The following NAALADL2 variants were observed in gnomAD, a reference collection of about 807,000 sequenced individuals.
The protein encoded by NAALADL2 is inactive N-acetylated-alpha-linked acidic dipeptidase-like protein 2.
A neutral mutation model predicts 87.2 loss-of-function variants in NAALADL2; 76 were observed. The observed-to-expected ratio is 0.87, with a 90% CI of 0.72 to 1.05. The LOEUF (loss-of-function observed/expected upper bound fraction) is 1.05. Among genes scored for constraint, NAALADL2 ranks in the 50% least tolerant of loss-of-function variants. The pLI, the probability that NAALADL2 is intolerant of heterozygous loss-of-function variation, is 0.00. For missense variants in NAALADL2, 1,089 were observed against 945.8 expected, an observed-to-expected ratio of 1.15 and a Z score of -1.99; for synonymous variants, 354 against 331.0, an observed-to-expected ratio of 1.07 and a Z score of -0.75.
intron 13 of NAALADL2, among the ~76,000 whole-genome samples, chr3:175,787,455 G>A (rs1041272365): frequency 2.6e-5 from 4 of 152,174 alleles, no homozygotes; most frequent in Non-Finnish European, 1.5e-5. Context: ...ACAATATTCG[G>A]ATGGGAGTGA....
intron 4 of NAALADL2, among the ~76,000 whole-genome samples, chr3:175,295,800 G>A (rs1359193409): frequency 2.0e-5 from 3 of 150,776 alleles, no homozygotes; most frequent in Admixed American, 2.0e-4. Context: ...ATTTCCTAAA[G>A]CCCTAAAACA....
At chr3:174,670,167 A>G (rs1158322328) in intron 2 of NAALADL2, among the ~76,000 whole-genome samples, 1 of 151,898 alleles carries the variant, frequency 6.6e-6, no homozygotes. Flanking sequence ...TACGTATAAG[A>G]TCATATCATC....
intron 10 of NAALADL2, among the ~76,000 whole-genome samples, chr3:175,606,746 C>T (rs1180602872): frequency 6.6e-6 from 1 of 151,960 alleles, no homozygotes; most frequent in Non-Finnish European, 1.5e-5. Flanking sequence ...GTAAGGAAAA[C>T]CTAGCATACT....
chr3:174,625,153 G>A (rs1435643336), intron 2 of NAALADL2, among the ~76,000 whole-genome samples: 1 of 145,756 alleles, frequency 6.9e-6, no homozygotes, highest in Non-Finnish European at 1.5e-5. Context: ...CAGCCTCCTA[G>A]GCTCAAGTGA....
intron 11 of NAALADL2, among the ~76,000 whole-genome samples, chr3:175,667,185 A>AAGAG (rs1733163407): frequency 2.1e-5 from 1 of 47,958 alleles, no homozygotes; most frequent in Non-Finnish European, 3.9e-5. Flanking sequence ...AAGAAAGAGA[A>AAGAG]AGAAAGAAAG....
chr3:175,132,613 AC>A (rs1419177943), intron 2 of NAALADL2, among the ~76,000 whole-genome samples: 1 of 90,206 alleles, frequency 1.1e-5, no homozygotes, highest in Non-Finnish European at 2.2e-5. Context: ...CAGGGGGCTG[AC>A]CCCCCCACCT....
intron 2 of NAALADL2, among the ~76,000 whole-genome samples, chr3:175,190,958 A>G (rs1232675077): frequency 2.0e-5 from 3 of 149,578 alleles, no homozygotes; most frequent in Non-Finnish European, 3.0e-5. Flanking sequence ...AGCCTGGGCA[A>G]CAGACAGAGG....
rs576246523 is a variant in NAALADL2, at chr3:174,466,722, G to A, written c.-184+25690G>A. ...GAAATGATAGTTGTGCTCAAGGCCC[G>A]GGTGACTCCTGCCCCATATGAGGAC... On this transcript the variant is annotated intron_variant, in intron 1 of 3. Coordinates refer to the NAALADL2 transcript ENST00000434257. 1.3e-5 allele frequency among the ~76,000 whole-genome samples: 2 copies of A among 152,074 alleles called. 1 individual carries two copies. The highest frequency in any genetic ancestry group is 2.9e-5 in the Non-Finnish European group (2 of 68,024).
At chr3:175,053,598 G>C (rs1580209122) in intron 1 of NAALADL2, among the ~76,000 whole-genome samples, 1 of 152,194 alleles carries the variant, frequency 6.6e-6, no homozygotes, top group African/African-American at 2.4e-5. Context: ...AGAAACACAA[G>C]CATAACCTCT....
chr3:174,995,974 G>C (rs1393814717), intron 1 of NAALADL2, among the ~76,000 whole-genome samples: 1 of 152,114 alleles, frequency 6.6e-6, no homozygotes, highest in African/African-American at 2.4e-5. Flanking sequence ...AGGAGAGTCA[G>C]GAAATCAGGG....
intron 1 of NAALADL2, among the ~76,000 whole-genome samples, chr3:174,481,314 G>A (rs148542168): frequency 4.6e-5 from 7 of 152,176 alleles, no homozygotes; most frequent in African/African-American, 1.7e-4. Context: ...GTGAGAAAGA[G>A]TAACATGAGG....
rs563221671 is a variant in NAALADL2, at chr3:174,794,521, C to T, written c.-9+56775C>T. Among the ~76,000 whole-genome samples, 52 of 152,208 alleles carry T rather than the reference C, an allele frequency of 3.4e-4. 1 individual carries two copies. The highest frequency in any genetic ancestry group is 4.1e-4 in the South Asian group (2 of 4,822). On this transcript the variant is annotated intron_variant, in intron 3 of 3. Transcript: ENST00000434257. Reference sequence around the variant, plus strand: ...TTATTAAATTGCTGGAGGTTGATTACAGTTCTCCAGAGTTATTGGATATTT... The same window carrying T: ...TTATTAAATTGCTGGAGGTTGATTATAGTTCTCCAGAGTTATTGGATATTT...
chr3:175,204,983 A>G (rs1362232525), intron 2 of NAALADL2, among the ~76,000 whole-genome samples: 3 of 152,182 alleles, frequency 2.0e-5, no homozygotes, highest in Non-Finnish European at 2.9e-5. Context: ...AACACATCCC[A>G]TGCTCATAGA....
intron 3 of NAALADL2, among the ~76,000 whole-genome samples, chr3:174,831,735 T>C (rs978214314): frequency 1.3e-5 from 2 of 151,454 alleles, no homozygotes; most frequent in African/African-American, 4.8e-5. Flanking sequence ...ATCCATCTGG[T>C]CCTGTACTCT....
chr3:175,071,747 A>T (rs1052823623), intron 1 of NAALADL2, among the ~76,000 whole-genome samples: 1 of 152,060 alleles, frequency 6.6e-6, no homozygotes, highest in South Asian at 2.1e-4. Flanking sequence ...ATTGCAAAGC[A>T]TTTGAAGAAA....
chr3:175,067,827 A>G (rs944445052), intron 1 of NAALADL2, among the ~76,000 whole-genome samples: 1 of 152,146 alleles, frequency 6.6e-6, no homozygotes, highest in Non-Finnish European at 1.5e-5. Context: ...TAGCAAAGAC[A>G]TGGAATCCAC....
chr3:175,357,232 A>C (rs570062494), intron 5 of NAALADL2, among the ~76,000 whole-genome samples: 1 of 152,302 alleles, frequency 6.6e-6, no homozygotes, highest in South Asian at 2.1e-4. Context: ...ACCTACACTA[A>C]GGAATAGGTC....
chr3:174,653,543 G>A (rs992984699), intron 2 of NAALADL2, among the ~76,000 whole-genome samples: 1 of 152,126 alleles, frequency 6.6e-6, no homozygotes. Flanking sequence ...AATGTGTCAT[G>A]AGCTGAGAGG....
At chr3:175,656,789 A>G (rs1348492219) in intron 11 of NAALADL2, among the ~76,000 whole-genome samples, 3 of 151,846 alleles carry the variant, frequency 2.0e-5, no homozygotes. Context: ...TTCATTAACT[A>G]TCACTCTTAA....
Sources: allele counts gnomAD v4.1 joint callset (sites outside exome capture counted in the v4.1 genomes callset), GRCh38; gene constraint gnomAD v4.1.1; transcripts MANE v1.5; gene names NCBI Gene and HGNC (gene_info 2026-07-23, HGNC 2026-07-21).